NOTCH2NLB: variants seen among roughly 807,000 people sequenced by gnomAD.
NOTCH2NLB encodes the protein notch homolog 2 N-terminal-like protein B.
A neutral mutation model predicts 14.8 loss-of-function variants in NOTCH2NLB; 1 was observed. The observed-to-expected ratio is 0.07, with a 90% CI of 0.02 to 0.32. NOTCH2NLB has a LOEUF of 0.32. Among genes scored for constraint, NOTCH2NLB ranks in the 10% least tolerant of loss-of-function variants. NOTCH2NLB has a pLI of 1.00. For synonymous variants in NOTCH2NLB, 6 were observed against 57.5 expected (o/e 0.10, Z 4.05); for missense variants, 11 against 155.0 (o/e 0.07, Z 4.93).
chr1:148,708,052 C>A, the NOTCH2NLB span, among the ~76,000 whole-genome samples: 6 of 69,148 alleles, frequency 8.7e-5, 3 homozygotes, highest in East Asian at 3.3e-3. Flanking sequence ...GGATACCATA[C>A]AAGAGATACA....
At chr1:148,651,162 A>ATATATAT (rs1325402394) in intron 1 of NOTCH2NLB, among the ~76,000 whole-genome samples, 69 of 45,990 alleles carry the variant, frequency 1.5e-3, no homozygotes, top group Non-Finnish European at 1.7e-3. Flanking sequence ...AAAAAAAAAA[A>ATATATAT]ATATATATAT....
chr1:148,650,826 G>C (rs1281180574), intron 1 of NOTCH2NLB, among the ~76,000 whole-genome samples: 7 of 115,828 alleles, frequency 6.0e-5, no homozygotes, highest in African/African-American at 2.3e-4. Flanking sequence ...AAATACCAAA[G>C]GGAGAAGAAA....
chr1:148,610,941 A>C (rs1663685818), intron 3 of NOTCH2NLB, among the ~76,000 whole-genome samples: 2 of 66,026 alleles, frequency 3.0e-5, no homozygotes, highest in African/African-American at 8.4e-5. Context: ...AGAACACACC[A>C]AGAAGAGATC....
At chr1:148,704,250 T>A in the NOTCH2NLB span, among the ~76,000 whole-genome samples, 1 of 38,658 alleles carries the variant, frequency 2.6e-5, no homozygotes, top group Admixed American at 2.6e-4. Flanking sequence ...CACAAGATCA[T>A]CTTTCAGTTC....
rs1571088226 is a variant in NOTCH2NLB, at chr1:148,610,374, A to AAAGAAAGT, written c.338-2630_338-2629insACTTTCTT. ...GAAAGAAAGAAAGAAAGAAAGAAAGAGAAAGAAAGAAAGAAAGAAAGGGAG... is the reference window on the plus strand; with the variant it reads ...GAAAGAAAGAAAGAAAGAAAGAAAGAAAGAAAGTGAAAGAAAGAAAGAAAGAAAGGGAG... On this transcript the variant is annotated intron_variant, in intron 3 of 4. Coordinates refer to ENST00000593495, the Ensembl canonical transcript of NOTCH2NLB. Among the ~76,000 whole-genome samples, 4 of 90,884 alleles carry AAAGAAAGT rather than the reference A, an allele frequency of 4.4e-5. No homozygotes were observed. The Admixed American group carries it at 4.7e-4, about 11-fold the overall frequency. 59.6% of individuals were successfully genotyped at this position (90,884 alleles called of 152,430 possible).
intron 1 of NOTCH2NLB, among the ~76,000 whole-genome samples, chr1:148,661,675 A>C (rs1286649647): frequency 1.6e-5 from 2 of 126,346 alleles, no homozygotes; most frequent in Non-Finnish European, 3.4e-5. Flanking sequence ...AGTGAAAGAG[A>C]TGTATAGCCT....
At chr1:148,610,106 G>A (rs1663637466) in intron 3 of NOTCH2NLB, among the ~76,000 whole-genome samples, 1 of 141,490 alleles carries the variant, frequency 7.1e-6, no homozygotes, top group Non-Finnish European at 1.5e-5. Context: ...TGGCCAACAT[G>A]GTGAAACGCC....
At chr1:148,637,551 C>A (rs1381940827) in intron 2 of NOTCH2NLB, among the ~76,000 whole-genome samples, 1 of 147,740 alleles carries the variant, frequency 6.8e-6, no homozygotes, top group Non-Finnish European at 1.5e-5. Flanking sequence ...GTATTACCAC[C>A]CTGAATGCTA....
At chr1:148,634,263 T>C (rs1194425264) in intron 2 of NOTCH2NLB, among the ~76,000 whole-genome samples, 7 of 149,226 alleles carry the variant, frequency 4.7e-5, no homozygotes, top group African/African-American at 1.7e-4. Context: ...AATGTTCAGC[T>C]AAATAGGCAC....
At chr1:148,673,512 T>C (rs1296080440) in intron 1 of NOTCH2NLB, among the ~76,000 whole-genome samples, 5 of 90,582 alleles carry the variant, frequency 5.5e-5, no homozygotes, top group African/African-American at 1.8e-4. Flanking sequence ...AATTCTTTAG[T>C]GGACACCAAA....
chr1:148,689,913 TC>T, the NOTCH2NLB span, among the ~76,000 whole-genome samples: 1 of 91,202 alleles, frequency 1.1e-5, no homozygotes, highest in Non-Finnish European at 2.2e-5. Context: ...TGTTCTCCAA[TC>T]CCCTCCCTAG....
At chr1:148,645,690 C>A (rs1226247342) in intron 1 of NOTCH2NLB, among the ~76,000 whole-genome samples, 1 of 149,602 alleles carries the variant, frequency 6.7e-6, no homozygotes, top group East Asian at 1.9e-4. Context: ...CTACCCATTC[C>A]TTCAAGGCCC....
At chr1:148,674,892 T>G (rs1449761502) in intron 1 of NOTCH2NLB, among the ~76,000 whole-genome samples, 1 of 140,926 alleles carries the variant, frequency 7.1e-6, no homozygotes, top group Non-Finnish European at 1.6e-5. Flanking sequence ...CTTTACTAAA[T>G]GTACATATTC....
intron 1 of NOTCH2NLB, among the ~76,000 whole-genome samples, chr1:148,648,054 TA>T (rs1300655211): frequency 2.7e-5 from 4 of 148,542 alleles, no homozygotes; most frequent in African/African-American, 9.9e-5. Context: ...TTTCATACTA[TA>T]AAAAAATCAT....
chr1:148,658,558 T>G (rs1447310979), intron 1 of NOTCH2NLB, among the ~76,000 whole-genome samples: 1 of 83,538 alleles, frequency 1.2e-5, no homozygotes, highest in African/African-American at 5.6e-5. Flanking sequence ...CACTTTTTTT[T>G]TTTTTTTTTT....
At chr1:148,604,956 C>T (rs1304984340), downstream of NOTCH2NLB, among the ~76,000 whole-genome samples, 14 of 97,424 alleles carry the variant, frequency 1.4e-4, 2 homozygotes, top group African/African-American at 3.9e-4. Flanking sequence ...CATATACACA[C>T]ACACACACAC....
In NOTCH2NLB at chr1:148,645,869, G is replaced by A. The variant is rs1402852347; in HGVS notation, c.4-5780C>T. On this transcript the variant is annotated intron_variant, in intron 1 of 4. Transcript: ENST00000593495. ...GTTCCTGGGATATGGAAAACATTTC[G>A]TCTTTTCTGAGTATTTGAAGCAATG... Among the ~76,000 whole-genome samples, 531 of 150,622 alleles carry A rather than the reference G, an allele frequency of 3.5e-3. 15 individuals are homozygous for A. The highest frequency in any genetic ancestry group is 9.7e-3 in the African/African-American group (396 of 41,006).
chr1:148,693,071 C>T, the NOTCH2NLB span, among the ~76,000 whole-genome samples: 1 of 130,960 alleles, frequency 7.6e-6, no homozygotes, highest in Admixed American at 7.6e-5. Context: ...TTCTCTGCCG[C>T]TAGGAAGAAG....
intron 1 of NOTCH2NLB, among the ~76,000 whole-genome samples, chr1:148,675,100 A>G (rs1185323968): frequency 1.1e-4 from 10 of 88,972 alleles, no homozygotes; most frequent in African/African-American, 3.6e-4. Context: ...CTAGTAATAC[A>G]GTAATACAGG....
Sources: allele counts gnomAD v4.1 joint callset (sites outside exome capture counted in the v4.1 genomes callset), GRCh38; gene constraint gnomAD v4.1.1; transcripts MANE v1.5; gene names NCBI Gene and HGNC (gene_info 2026-07-23, HGNC 2026-07-21).